BNIP2: variants seen among roughly 807,000 people sequenced by gnomAD.
BNIP2 encodes BCL2/adenovirus E1B 19 kDa protein-interacting protein 2.
A neutral mutation model predicts 43.4 loss-of-function variants in BNIP2; 36 were observed. That is an observed-to-expected ratio of 0.83 (90% CI 0.64 to 1.10). The LOEUF is 1.10. Among genes scored for constraint, BNIP2 ranks in the 50% least tolerant of loss-of-function variants. BNIP2 has a pLI of 0.00. For synonymous variants in BNIP2, 146 were observed against 121.0 expected (o/e 1.21, Z -1.35); for missense variants, 417 against 374.1 (o/e 1.11, Z -0.95).
intron 1 of BNIP2, among the ~76,000 whole-genome samples, chr15:59,685,225 C>G (rs188819719): frequency 1.6e-4 from 25 of 152,304 alleles, no homozygotes; most frequent in African/African-American, 2.2e-4. Flanking sequence ...TGAGGCCGGA[C>G]GTGGTGGCTC....
At chr15:59,676,736 G>A (rs6151522) in intron 5 of BNIP2, 77,980 of 1,257,952 alleles carry the variant, frequency 0.062, 5,275 homozygotes, top group East Asian at 0.31. Context: ...GGTGCGGTGC[G>A]GGCGGCAGAG....
At chr15:59,680,786 T>C (rs1482232150) in intron 2 of BNIP2, among the ~76,000 whole-genome samples, 5 of 152,194 alleles carry the variant, frequency 3.3e-5, no homozygotes, top group Non-Finnish European at 5.9e-5. Context: ...TTTAAAAGTT[T>C]TTTTGGTAGA....
At chr15:59,674,700 A>G (rs1182089618) in intron 5 of BNIP2, among the ~76,000 whole-genome samples, 1 of 152,200 alleles carries the variant, frequency 6.6e-6, no homozygotes, top group East Asian at 1.9e-4. Flanking sequence ...GTCCTGTGTT[A>G]GGAGGATTTA....
In BNIP2 at chr15:59,679,725, C is replaced by T. The variant is rs150154333; in HGVS notation, c.162G>A (p.Met54Ile). The T allele has an allele frequency of 5.1e-6, 8 of 1,570,358 alleles. No individual in the cohort carries two copies. Among genetic ancestry groups the T allele is most frequent in the Admixed American group, 2.0e-5 (1 of 48,964 alleles). ...VNGNKVRKKL[M>I]APDISLTLDP... ...CCAGTGTCAGGCTAATGTCTGGAGCCATTAGTTTCTTTCTCACTTTATTTC... is the reference window on the plus strand; with the variant it reads ...CCAGTGTCAGGCTAATGTCTGGAGCTATTAGTTTCTTTCTCACTTTATTTC... The change falls in exon 4 of 10, where the codon ATG becomes ATA. Residue 54 changes from methionine (M) to isoleucine (I), a missense_variant. By Grantham distance (10) the Met-to-Ile change is conservative. Coordinates refer to ENST00000607373, the MANE Select transcript of BNIP2 (RefSeq NM_004330.4).
At position 59,676,709 on chromosome 15, in the gene BNIP2, G is replaced by A. The variant is rs6151524; in HGVS notation, c.472+1202C>T. The A allele has an allele frequency of 1.1e-3, 901 of 833,686 alleles. 3 individuals carry two copies. The African/African-American group carries it at 0.014, about 13-fold the overall frequency. 51.6% of individuals were successfully genotyped at this position (833,686 alleles called of 1,614,324 possible). A position where few individuals can be genotyped will look rare whatever the true frequency, so the allele number is the denominator to read the frequency against. On this transcript the variant is annotated intron_variant, in intron 5 of 9. Transcript: ENST00000607373. Reference sequence around the variant, plus strand: ...CATGAAACGGCTAGGGCAGGCGAGCGCAGTGGAGTGCCGCGCGGTGCGGTG... The same window carrying A: ...CATGAAACGGCTAGGGCAGGCGAGCACAGTGGAGTGCCGCGCGGTGCGGTG...
intron 5 of BNIP2, among the ~76,000 whole-genome samples, chr15:59,676,215 A>C (rs6151529): frequency 0.33 from 49,978 of 151,930 alleles, 8,549 homozygotes; most frequent in East Asian, 0.54. Context: ...CAAAACAAAA[A>C]ACTAGAGTGC....
chr15:59,680,783 G>GT (rs1566976474), intron 2 of BNIP2, among the ~76,000 whole-genome samples: 1 of 152,058 alleles, frequency 6.6e-6, no homozygotes, highest in Non-Finnish European at 1.5e-5. Flanking sequence ...AATTTTAAAA[G>GT]TTTTTTTGGT....
intron 5 of BNIP2, chr15:59,676,687 G>C (rs1893312453): frequency 1.5e-6 from 1 of 645,242 alleles, no homozygotes; most frequent in Non-Finnish European, 2.7e-6. Context: ...GATATTGCAT[G>C]AAACGGCTAG....
chr15:59,680,863 C>G (rs1174287052), intron 2 of BNIP2, among the ~76,000 whole-genome samples: 2 of 152,150 alleles, frequency 1.3e-5, no homozygotes, highest in Non-Finnish European at 2.9e-5. Context: ...TCCCAAAGCA[C>G]TAGGATTATA....
chr15:59,660,746 T>C lies in BNIP2; in HGVS notation c.*3323A>G, dbSNP rs1892212265. 2 of 151,956 alleles carry C rather than the reference T, an allele frequency of 1.3e-5. No homozygotes were observed. The highest frequency in any genetic ancestry group is 2.9e-5 in the Non-Finnish European group (2 of 68,018). The allele number at this position is 151,956 out of a possible 1,614,324, so 9.4% of individuals were successfully genotyped here. A position where few individuals can be genotyped will look rare whatever the true frequency, so the allele number is the denominator to read the frequency against. On this transcript the variant is annotated 3_prime_UTR_variant, in exon 10 of 10. Coordinates refer to ENST00000607373, the MANE Select transcript of BNIP2 (RefSeq NM_004330.4). ...GTGCACTTACTAGTGATGTCCATTTTGGAAGACTAAATCAATGTTCAGCAA... is the reference window on the plus strand; with the variant it reads ...GTGCACTTACTAGTGATGTCCATTTCGGAAGACTAAATCAATGTTCAGCAA...
intron 6 of BNIP2, among the ~76,000 whole-genome samples, chr15:59,671,981 T>G (rs1892960196): frequency 6.6e-6 from 1 of 151,898 alleles, no homozygotes; most frequent in Admixed American, 6.6e-5. Context: ...GAGGCTGAGG[T>G]AGGAGGATGG....
intron 1 of BNIP2, among the ~76,000 whole-genome samples, chr15:59,686,684 G>C (rs1317095049): frequency 6.6e-6 from 1 of 152,160 alleles, no homozygotes; most frequent in East Asian, 1.9e-4. Flanking sequence ...GCTCCCATGA[G>C]GGTAGTTTTC....
chr15:59,670,929 T>G (rs917522638), intron 7 of BNIP2, among the ~76,000 whole-genome samples: 6 of 151,974 alleles, frequency 3.9e-5, no homozygotes, highest in Non-Finnish European at 2.9e-5. Flanking sequence ...CAACATTAGC[T>G]GGGCGTGGTG....
Position 59,668,933 on chromosome 15 carries a change from A to G in BNIP2, c.852T>C (p.Leu284=), listed in dbSNP as rs1242389152. The G allele has an allele frequency of 6.2e-7, 1 of 1,613,808 alleles. No homozygotes were observed. ...YVFNLAELAE[L]VPMEYVGIPE... is the part of the protein sequence containing the mutation. The stretch of plus-strand genomic sequence containing the variant: ...GTATGCCAACGTATTCCATGGGGAC[A>G]AGTTCTGCTAGTTCTGCCAAATTAA... Residue 284 remains leucine (L), a synonymous_variant, in exon 9 of 10, where the codon CTT becomes CTC. Transcript: ENST00000607373.
chr15:59,687,199 C>T (rs1192152340), intron 1 of BNIP2, among the ~76,000 whole-genome samples: 4 of 152,106 alleles, frequency 2.6e-5, no homozygotes, highest in Non-Finnish European at 5.9e-5. Context: ...AAAAGATAAT[C>T]TACTAACTGA....
intron 5 of BNIP2, among the ~76,000 whole-genome samples, chr15:59,674,071 C>G (rs1408014326): frequency 8.1e-6 from 1 of 123,088 alleles, no homozygotes; most frequent in Non-Finnish European, 1.6e-5. Flanking sequence ...GCCTGGGCAA[C>G]AGAGCAAGAC....
intron 9 of BNIP2, among the ~76,000 whole-genome samples, chr15:59,667,856 G>C (rs1394807598): frequency 6.6e-6 from 1 of 152,220 alleles, no homozygotes; most frequent in Non-Finnish European, 1.5e-5. Context: ...CTTAGACTAA[G>C]AAGGAGAGAG....
rs1320682508 is a variant in BNIP2, at chr15:59,663,599, T to C, written c.*470A>G. The stretch of plus-strand genomic sequence containing the variant: ...GTTACCCAGGAAATGTATTTAACCA[T>C]TTACAAAAACAAAAATTCTAATATG... On this transcript the variant is annotated 3_prime_UTR_variant, in exon 10 of 10. Transcript: ENST00000607373. 1 of 152,656 alleles carries C rather than the reference T, an allele frequency of 6.6e-6. No homozygotes were observed. The highest frequency in any genetic ancestry group is 1.5e-5 in the Non-Finnish European group (1 of 68,062). The allele number at this position is 152,656 out of a possible 1,614,324, so 9.5% of individuals were successfully genotyped here. A position where few individuals can be genotyped will look rare whatever the true frequency, so the allele number is the denominator to read the frequency against.
chr15:59,664,487 T>C (rs986963616), intron 9 of BNIP2, among the ~76,000 whole-genome samples: 3 of 152,136 alleles, frequency 2.0e-5, no homozygotes, highest in African/African-American at 7.2e-5. Flanking sequence ...GTTCACACCA[T>C]TGTCCTGCCT....
Sources: gnomAD v4.1 joint callset for allele counts (sites outside exome capture counted in the v4.1 genomes callset) on GRCh38, gnomAD v4.1.1 for gene constraint, MANE v1.5 for transcripts, NCBI Gene and HGNC (gene_info 2026-07-23, HGNC 2026-07-21) for gene names.